CCNQ: variants seen among roughly 807,000 people sequenced by gnomAD.
The protein encoded by CCNQ is cyclin-Q.
CCNQ carries 3 observed loss-of-function variants against 17.7 expected under a neutral mutation model. That is an observed-to-expected ratio of 0.17 (90% CI 0.08 to 0.44). CCNQ has a LOEUF of 0.44. Ranked by LOEUF, CCNQ falls within the 20% of genes least tolerant of loss-of-function variation. CCNQ has a pLI of 0.99. For synonymous variants in CCNQ, 73 were observed against 96.0 expected (o/e 0.76, Z 1.40); for missense variants, 146 against 222.6 (o/e 0.66, Z 2.19).
chrX:153,596,294 CAAGGCT>C, intron 1 of CCNQ, 107 bp from the exon 2 acceptor site: 1 of 890,308 alleles, frequency 1.1e-6, no homozygotes, highest in Non-Finnish European at 1.6e-6. Context: ...CCTACTTGGA[CAAGGCT>C]AAGAACTTCC....
Position 153,588,376 on chromosome X carries a change from C to G in CCNQ, c.736G>C (p.Glu246Gln), listed in dbSNP as rs782304286. The G allele has an allele frequency of 2.6e-5, 32 of 1,207,550 alleles. No individual in the cohort carries two copies. Among genetic ancestry groups the G allele is most frequent in the Non-Finnish European group, 3.5e-5 (31 of 892,019 alleles). Residue 246 changes from glutamate (E) to glutamine (Q), a missense_variant, in exon 5 of 5, where the codon GAG becomes CAG. Physicochemically the swap from Glu to Gln is conservative, Grantham distance 29 (BLOSUM62 2). Coordinates refer to ENST00000576892, the MANE Select transcript of CCNQ (RefSeq NM_152274.5). Reference protein sequence around the residue: ...DLIQIYTMDTEIP With the variant: ...DLIQIYTMDTQIP ...CCTGGGCCAGGACCTTAGGGGATCT[C>G]TGTGTCCATGGTATAAATCTGAATG...
rs782646629 is a variant in CCNQ at position 153,596,133 on chromosome X, T to C, written c.167A>G (p.His56Arg). ...IPIATACTIY[H>R]KFFCETNLDA... Reference sequence around the variant, plus strand: ...CAGGTTGGTCTCGCAAAAGAACTTATGGTAAATGGTGCAAGCAGTGGCAAT... The same window carrying C: ...CAGGTTGGTCTCGCAAAAGAACTTACGGTAAATGGTGCAAGCAGTGGCAAT... The change falls in exon 2 of 5, where the codon CAT becomes CGT. Residue 56 changes from histidine to arginine, a missense_variant. Coordinates refer to ENST00000576892, the MANE Select transcript of CCNQ (RefSeq NM_152274.5). 5 of 1,211,877 alleles carry C rather than the reference T, an allele frequency of 4.1e-6. No homozygotes were observed. The highest frequency in any genetic ancestry group is 2.2e-5 in the Admixed American group (1 of 46,063).
At position 153,592,362 on chromosome X, in the gene CCNQ, G is replaced by A. The variant is rs2280925; in HGVS notation, c.657+144C>T. 0.055 allele frequency: 33,131 copies of A among 601,518 alleles called. 856 individuals carry two copies. Among genetic ancestry groups the A allele is most frequent in the African/African-American group, 0.15 (6,524 of 44,832 alleles). 49.6% of individuals were successfully genotyped at this position (601,518 alleles called of 1,213,427 possible). A position where few individuals can be genotyped will look rare whatever the true frequency, so the allele number is the denominator to read the frequency against. On this transcript the variant is annotated intron_variant, in intron 4 of 4. Coordinates refer to ENST00000576892, the MANE Select transcript of CCNQ (RefSeq NM_152274.5). The stretch of plus-strand genomic sequence containing the variant: ...GGGGGAGAGCCTGTCCCAGGCCATC[G>A]CAACAGGGTACTTTCGAGCTTCCAT...
chrX:153,592,857 C>T, intron 3 of CCNQ, 124 bp from the exon 4 acceptor site: 1 of 655,048 alleles, frequency 1.5e-6, no homozygotes, highest in Non-Finnish European at 2.4e-6. Flanking sequence ...AGCCCCAAGG[C>T]CTTCTGCTGG....
chrX:153,593,338 G>T (rs7057365), intron 3 of CCNQ, among the ~76,000 whole-genome samples: 1 of 112,349 alleles, frequency 8.9e-6, no homozygotes, highest in Non-Finnish European at 1.9e-5. Context: ...GGATACATAG[G>T]TTACTTTCCA....
At chrX:153,590,231 T>TTAA (rs1172483156) in intron 4 of CCNQ, among the ~76,000 whole-genome samples, 2 of 26,456 alleles carry the variant, frequency 7.6e-5, no homozygotes, top group African/African-American at 3.5e-4. Flanking sequence ...CTGTCTCTAT[T>TTAA]AAAAAAAAAA....
intron 4 of CCNQ, among the ~76,000 whole-genome samples, chrX:153,590,437 T>C (rs1482094904): frequency 2.7e-5 from 3 of 109,936 alleles, no homozygotes; most frequent in Non-Finnish European, 3.8e-5. Context: ...CACTGTAGGA[T>C]TCCACTCCTG....
intron 1 of CCNQ, 116 bp from the exon 2 acceptor site, chrX:153,596,303 G>A (rs2091028187): frequency 1.2e-6 from 1 of 819,846 alleles, no homozygotes; most frequent in South Asian, 2.2e-5. Flanking sequence ...ACAAGGCTAA[G>A]AACTTCCAGC....
chrX:153,596,230 TG>T (rs782111074), intron 1 of CCNQ, 43 bp from the exon 2 acceptor site: 4 of 1,169,742 alleles, frequency 3.4e-6, no homozygotes, highest in Non-Finnish European at 2.3e-6. Flanking sequence ...AATCCAGCGC[TG>T]GCTCACTGCT....
chrX:153,590,036 T>A (rs1377792771), intron 4 of CCNQ, among the ~76,000 whole-genome samples: 1 of 108,952 alleles, frequency 9.2e-6, no homozygotes, highest in African/African-American at 3.3e-5. Flanking sequence ...AAGATCAGCC[T>A]GGCCAACATG....
At chrX:153,593,133 C>G (rs782163708) in intron 3 of CCNQ, among the ~76,000 whole-genome samples, 1 of 112,735 alleles carries the variant, frequency 8.9e-6, no homozygotes, top group South Asian at 3.6e-4. Context: ...TGCTGCTCCC[C>G]ATGCATCTGG....
chrX:153,592,786 T>A (rs1041040921), intron 3 of CCNQ, 53 bp from the exon 4 acceptor site: 1 of 1,071,103 alleles, frequency 9.3e-7, no homozygotes, highest in Non-Finnish European at 1.3e-6. Context: ...CTCCTCATGC[T>A]GACATAATCA....
intron 2 of CCNQ, 33 bp downstream of exon 2, chrX:153,595,971 G>A (rs2091024957): frequency 8.3e-7 from 1 of 1,208,916 alleles, no homozygotes; most frequent in Non-Finnish European, 1.1e-6. Context: ...CCCCCACCGG[G>A]TGGAGATCAG....
intron 4 of CCNQ, 126 bp from the exon 5 acceptor site, chrX:153,588,580 G>C (rs2090970182): frequency 1.8e-6 from 1 of 545,296 alleles, no homozygotes; most frequent in African/African-American, 2.3e-5. Flanking sequence ...TATGTAGGAA[G>C]ACAGTAGCTC....
At chrX:153,588,555 G>T in intron 4 of CCNQ, 101 bp from the exon 5 acceptor site, 1 of 632,515 alleles carries the variant, frequency 1.6e-6, no homozygotes, top group Non-Finnish European at 2.7e-6. Flanking sequence ...CAGGGGAGGG[G>T]CACAGGGACT....
chrX:153,595,517 G>A (rs1203705109), intron 2 of CCNQ, among the ~76,000 whole-genome samples: 2 of 113,478 alleles, frequency 1.8e-5, no homozygotes, highest in Admixed American at 1.8e-4. Flanking sequence ...CCTCGCCTTG[G>A]CGAAGACCCT....
At chrX:153,595,042 G>C (rs2091017904) in intron 2 of CCNQ, among the ~76,000 whole-genome samples, 2 of 112,998 alleles carry the variant, frequency 1.8e-5, no homozygotes, top group South Asian at 7.2e-4. Context: ...CCCGGCATTA[G>C]GGAGTCTTCA....
intron 1 of CCNQ, chrX:153,597,782 C>T (rs2091038125): frequency 9.0e-6 from 1 of 111,217 alleles, no homozygotes; most frequent in Admixed American, 9.6e-5. Flanking sequence ...TATATAAAGA[C>T]AATTCCTACC....
intron 1 of CCNQ, 140 bp downstream of exon 1, chrX:153,598,822 G>C: frequency 2.7e-6 from 1 of 366,829 alleles, no homozygotes; most frequent in Non-Finnish European, 4.2e-6. Context: ...GCGGCGCAAA[G>C]GCGGAGGTCC....
Sources: allele counts gnomAD v4.1 joint callset (sites outside exome capture counted in the v4.1 genomes callset), GRCh38; gene constraint gnomAD v4.1.1; transcripts MANE v1.5; gene names NCBI Gene and HGNC (gene_info 2026-07-23, HGNC 2026-07-21).